Variants in PPP1R13B observed in about 807,000 individuals in gnomAD.
PPP1R13B encodes protein phosphatase 1 regulatory subunit 13B.
Under a neutral mutation model 119.8 loss-of-function variants are expected in PPP1R13B, and 44 were observed. The ratio of observed to expected loss-of-function variants is 0.37; its 90% CI spans 0.29 to 0.47. The LOEUF is 0.47. Ranked by LOEUF, PPP1R13B falls within the 20% of genes least tolerant of loss-of-function variation. The probability of loss-of-function intolerance (pLI) is 0.99; values close to 1 mark genes in which losing one functional copy is unlikely to be tolerated. For synonymous variants in PPP1R13B, 542 were observed against 561.5 expected (o/e 0.97, Z 0.49); for missense variants, 1,227 against 1,413.5 (o/e 0.87, Z 2.12).
At position 103,740,373 on chromosome 14, in the gene PPP1R13B, C is replaced by T. The variant is rs199845828; in HGVS notation, c.2043G>A (p.Ser681=). ...SPTKLTPIVH[S]PLRYQSDADL... is the part of the protein sequence containing the mutation. ...CTGCATCACTCTGGTAGCGCAGTGG[C>T]GAATGCACGATGGGCGTGAGCTTGG... Residue 681 remains serine, a synonymous_variant, in exon 12 of 17, where the codon TCG becomes TCA. Transcript: ENST00000202556. The surrounding 1 kb of genome is among the most constrained non-coding windows in gnomAD (Gnocchi z 4.6). 441 of 1,566,326 alleles carry T rather than the reference C, an allele frequency of 2.8e-4. 1 individual carries two copies. The highest frequency in any genetic ancestry group is 3.5e-4 in the Non-Finnish European group (401 of 1,153,802).
At chr14:103,803,929 G>T in intron 1 of PPP1R13B, 1 of 541,354 alleles carries the variant, frequency 1.8e-6, no homozygotes, top group South Asian at 8.0e-5. Flanking sequence ...CTCAGATAAA[G>T]CCTCCTCTTC....
At chr14:103,832,143 C>T (rs1285214786) in intron 1 of PPP1R13B, among the ~76,000 whole-genome samples, 5 of 151,866 alleles carry the variant, frequency 3.3e-5, no homozygotes, top group Non-Finnish European at 7.4e-5. Context: ...CTATTGCACA[C>T]AGCTCATCTA....
chr14:103,830,276 A>G (rs962974620), intron 1 of PPP1R13B, among the ~76,000 whole-genome samples: 1 of 151,596 alleles, frequency 6.6e-6, no homozygotes, highest in Non-Finnish European at 1.5e-5. Context: ...TTATATTTTT[A>G]GTACAGATGA....
rs73365027 is a variant in PPP1R13B at position 103,748,373 on chromosome 14, A to T, written c.969+1421T>A. Among the ~76,000 whole-genome samples the T allele has an allele frequency of 9.5e-3, 1,449 of 152,334 alleles. 29 individuals are homozygous for T. Among genetic ancestry groups the T allele is most frequent in the African/African-American group, 0.032 (1,347 of 41,562 alleles). On this transcript the variant is annotated intron_variant, in intron 8 of 16. Transcript: ENST00000202556. Reference sequence around the variant, plus strand: ...AATGAGAGACTGTGACATCCACAGAACTGGAAGCTCCCTTCTACGTCTACC... The same window carrying T: ...AATGAGAGACTGTGACATCCACAGATCTGGAAGCTCCCTTCTACGTCTACC...
intron 1 of PPP1R13B, among the ~76,000 whole-genome samples, chr14:103,833,289 T>C (rs1005438551): frequency 2.6e-5 from 4 of 152,164 alleles, no homozygotes; most frequent in African/African-American, 9.6e-5. Flanking sequence ...TTTGGCCTCA[T>C]ATCCTAGGCA....
At chr14:103,808,793 TC>T (rs1384819028) in intron 1 of PPP1R13B, among the ~76,000 whole-genome samples, 1 of 152,190 alleles carries the variant, frequency 6.6e-6, no homozygotes, top group African/African-American at 2.4e-5. Flanking sequence ...AAAATTTTTT[TC>T]TAAATAAATA....
intron 1 of PPP1R13B, among the ~76,000 whole-genome samples, chr14:103,844,957 A>C (rs1289108877): frequency 2.0e-5 from 3 of 152,170 alleles, no homozygotes; most frequent in Non-Finnish European, 4.4e-5. Context: ...AAAATGTATA[A>C]TATCTCATTA....
chr14:103,794,974 C>T (rs970528932), intron 2 of PPP1R13B, among the ~76,000 whole-genome samples: 7 of 151,826 alleles, frequency 4.6e-5, no homozygotes, highest in African/African-American at 7.3e-5. Flanking sequence ...GAGACAGTCT[C>T]GCTCTGTCGC....
chr14:103,807,892 C>T (rs1172652733), intron 1 of PPP1R13B, among the ~76,000 whole-genome samples: 1 of 152,054 alleles, frequency 6.6e-6, no homozygotes, highest in African/African-American at 2.4e-5. Context: ...CAATATTTTA[C>T]CCCTCTAATC....
chr14:103,814,327 C>A (rs571969129), intron 1 of PPP1R13B, among the ~76,000 whole-genome samples: 6 of 152,044 alleles, frequency 3.9e-5, no homozygotes, highest in East Asian at 3.9e-4. Context: ...CCAGCCTGGG[C>A]GACAGAGCAA....
chr14:103,775,482 C>T (rs2085165988), intron 4 of PPP1R13B, among the ~76,000 whole-genome samples: 1 of 152,090 alleles, frequency 6.6e-6, no homozygotes, highest in Non-Finnish European at 1.5e-5. Flanking sequence ...ACCATGTTGG[C>T]CAGATTGGTC....
intron 2 of PPP1R13B, among the ~76,000 whole-genome samples, chr14:103,786,327 C>A (rs1380158318): frequency 6.6e-6 from 1 of 152,220 alleles, no homozygotes; most frequent in Non-Finnish European, 1.5e-5. Context: ...CAGGTGTAAG[C>A]CACTGTACCT....
intron 2 of PPP1R13B, among the ~76,000 whole-genome samples, chr14:103,797,045 A>C (rs1311349161): frequency 1.3e-5 from 2 of 150,750 alleles, no homozygotes; most frequent in Admixed American, 6.6e-5. Flanking sequence ...AAAAAGAGAG[A>C]CAGCCCAAAC....
chr14:103,819,508 C>CAA (rs1388399434), intron 1 of PPP1R13B, among the ~76,000 whole-genome samples: 26 of 144,586 alleles, frequency 1.8e-4, no homozygotes, highest in African/African-American at 5.0e-4. Context: ...TTAAAAAAAA[C>CAA]AAACAAACAA....
chr14:103,735,035 T>C lies in PPP1R13B; in HGVS notation c.*119A>G. The C allele has an allele frequency of 9.9e-6, 11 of 1,112,750 alleles. No homozygotes were observed. Among genetic ancestry groups the C allele is most frequent in the Non-Finnish European group, 1.5e-5 (11 of 736,706 alleles). 68.9% of individuals were successfully genotyped at this position (1,112,750 alleles called of 1,614,324 possible). A position where few individuals can be genotyped will look rare whatever the true frequency, so the allele number is the denominator to read the frequency against. ...TAGGATTCACATTGTGGACGCTGTC[T>C]GCTAAAGTGAGCACCATTAAGACCA... On this transcript the variant is annotated 3_prime_UTR_variant, in exon 17 of 17. Coordinates refer to ENST00000202556, the MANE Select transcript of PPP1R13B (RefSeq NM_015316.3).
chr14:103,799,156 C>T (rs181804335), intron 1 of PPP1R13B, among the ~76,000 whole-genome samples: 15 of 151,946 alleles, frequency 9.9e-5, no homozygotes, highest in Admixed American at 5.3e-4. Context: ...CATATCACCA[C>T]GCCCAGCTAA....
chr14:103,745,307 A>G (rs1474961874), intron 9 of PPP1R13B, among the ~76,000 whole-genome samples: 1 of 152,224 alleles, frequency 6.6e-6, no homozygotes, highest in Non-Finnish European at 1.5e-5. Flanking sequence ...GAAGCAAACA[A>G]AGATGAGCAC....
At position 103,735,869 on chromosome 14, in the gene PPP1R13B, C is replaced by T. The variant is rs2084095150; in HGVS notation, c.3231+134G>A. On this transcript the variant is annotated intron_variant, in intron 16 of 16. Transcript: ENST00000202556. ...CATGCCAGCTCTGCCAAGTAGGCAC[C>T]TCCCCCTCTACAGAGGGGGCTGCTG... 4.1e-6 allele frequency: 4 copies of T among 969,244 alleles called. No individual in the cohort carries two copies. In the South Asian group the frequency reaches 6.6e-5, roughly 16 times the overall value. The allele number at this position is 969,244 out of a possible 1,614,324, so 60.0% of individuals were successfully genotyped here.
intron 4 of PPP1R13B, chr14:103,764,318 C>CA (rs955042757): frequency 2.1e-5 from 4 of 186,466 alleles, no homozygotes; most frequent in Non-Finnish European, 4.6e-5. Context: ...AATGGTGTCT[C>CA]ACTGTGGTTT....
Sources: allele counts gnomAD v4.1 joint callset (sites outside exome capture counted in the v4.1 genomes callset), GRCh38; gene constraint gnomAD v4.1.1; non-coding constraint Gnocchi (gnomAD v3.1); transcripts MANE v1.5; gene names NCBI Gene and HGNC (gene_info 2026-07-23, HGNC 2026-07-21).